SLC9A2: variants seen among roughly 807,000 people sequenced by gnomAD.
SLC9A2 encodes solute carrier family 9 member A2, also known as sodium/hydrogen exchanger 2.
A neutral mutation model predicts 71.7 loss-of-function variants in SLC9A2; 42 were observed. The ratio of observed to expected loss-of-function variants is 0.59; its 90% confidence interval spans 0.46 to 0.76. SLC9A2 has a LOEUF of 0.76. SLC9A2 is among the 30% of genes least tolerant of loss of function. The pLI, the probability that SLC9A2 is intolerant of heterozygous loss-of-function variation, is 0.00. For synonymous variants in SLC9A2, 396 were observed against 392.5 expected (o/e 1.01, Z -0.10); for missense variants, 829 against 1,017.4 (o/e 0.81, Z 2.52).
intron 7 of SLC9A2, among the ~76,000 whole-genome samples, chr2:102,700,583 G>C (rs949990255): frequency 1.3e-5 from 2 of 152,210 alleles, no homozygotes; most frequent in Non-Finnish European, 2.9e-5. Context: ...ACTTTGATAA[G>C]AGTAGCTTTA....
At chr2:102,682,711 G>T (rs959049551) in intron 3 of SLC9A2, among the ~76,000 whole-genome samples, 1 of 152,180 alleles carries the variant, frequency 6.6e-6, no homozygotes, top group Non-Finnish European at 1.5e-5. Context: ...ATAAAAAGAA[G>T]TGAGTGGGTC....
chr2:102,640,918 G>A (rs1212458797), intron 1 of SLC9A2, among the ~76,000 whole-genome samples: 11 of 152,204 alleles, frequency 7.2e-5, no homozygotes, highest in Admixed American at 7.2e-4. Flanking sequence ...TGAAAGTCTT[G>A]TAAGCTCTTA....
chr2:102,695,198 T>C, intron 7 of SLC9A2, 85 bp downstream of exon 7: 1 of 958,656 alleles, frequency 1.0e-6, no homozygotes, highest in Non-Finnish European at 1.7e-6. Flanking sequence ...TATTTTTTAA[T>C]TGGAAATCTT....
intron 3 of SLC9A2, among the ~76,000 whole-genome samples, chr2:102,668,842 G>A (rs553396216): frequency 5.9e-5 from 9 of 152,050 alleles, no homozygotes; most frequent in Admixed American, 5.2e-4. Context: ...TGTCTTCTTC[G>A]TGTTGCCTTT....
intron 3 of SLC9A2, among the ~76,000 whole-genome samples, chr2:102,670,907 T>C (rs896321828): frequency 6.6e-6 from 1 of 150,740 alleles, no homozygotes; most frequent in East Asian, 1.9e-4. Context: ...CCACACTTTG[T>C]AGCGTTTAGG....
chr2:102,665,718 G>A lies in SLC9A2; in HGVS notation c.1004+368G>A, dbSNP rs988600697. Among the ~76,000 whole-genome samples, 4 of 134,658 alleles carry A rather than the reference G, an allele frequency of 3.0e-5. No homozygotes were observed. The Admixed American group carries it at 3.4e-4, about 11-fold the overall frequency. The allele number at this position is 134,658 out of a possible 152,430, so 88.3% of individuals were successfully genotyped here. ...GAACCCGGGAGGCGGAGCTTGCGGT[G>A]AGCCGAGATTGTGCCACTGCACTCC... On this transcript the variant is annotated intron_variant, in intron 3 of 11. Transcript: ENST00000233969.
chr2:102,688,401 C>T (rs1421435706), intron 5 of SLC9A2, among the ~76,000 whole-genome samples: 1 of 152,100 alleles, frequency 6.6e-6, no homozygotes, highest in Non-Finnish European at 1.5e-5. Context: ...GTTTTTGCCT[C>T]ACGAGTTGCC....
At chr2:102,691,706 C>G (rs1239945872) in intron 5 of SLC9A2, among the ~76,000 whole-genome samples, 1 of 152,208 alleles carries the variant, frequency 6.6e-6, no homozygotes, top group Admixed American at 6.5e-5. Flanking sequence ...TGATTATAAA[C>G]ATAAATATAT....
intron 1 of SLC9A2, among the ~76,000 whole-genome samples, chr2:102,642,432 TG>T (rs1279314012): frequency 1.2e-4 from 14 of 118,956 alleles, no homozygotes; most frequent in East Asian, 7.3e-4. Context: ...TATAATCGTG[TG>T]GTTTTTTTTT....
chr2:102,662,179 A>C (rs1292534205), intron 2 of SLC9A2, among the ~76,000 whole-genome samples: 1 of 152,194 alleles, frequency 6.6e-6, no homozygotes, highest in Non-Finnish European at 1.5e-5. Context: ...AGTGCCTGTG[A>C]CCCATCTTAA....
At chr2:102,643,226 G>A (rs543710213) in intron 1 of SLC9A2, among the ~76,000 whole-genome samples, 2 of 152,240 alleles carry the variant, frequency 1.3e-5, no homozygotes, top group African/African-American at 2.4e-5. Flanking sequence ...GGAGGGGAGT[G>A]CTCATTATCA....
At position 102,708,485 on chromosome 2, in the gene SLC9A2, C is replaced by T; in HGVS notation, c.2435C>T (p.Pro812Leu). 1 of 1,613,148 alleles carries T rather than the reference C, an allele frequency of 6.2e-7. No homozygotes were observed. Among genetic ancestry groups the T allele is most frequent in the Non-Finnish European group, 8.5e-7 (1 of 1,179,518 alleles). Residue 812 changes from proline to leucine, a missense_variant, in exon 12 of 12, where the codon CCT (proline) becomes CTT (leucine). Physicochemically the swap from Pro to Leu is moderately conservative, Grantham distance 98. Transcript: ENST00000233969. ...SRKARFGSEK[P>L] ...AAAGCCCGATTTGGGAGTGAGAAGC[C>T]TTAAGAGAAGCAGCGAAAGCAGATC...
intron 1 of SLC9A2, among the ~76,000 whole-genome samples, chr2:102,646,783 A>ATATATATATATATG (rs1246304035): frequency 1.3e-5 from 2 of 148,330 alleles, no homozygotes; most frequent in African/African-American, 5.1e-5. Context: ...ATATATATAT[A>ATATATATATATATG]TATATATCTC....
At chr2:102,703,207 C>T (rs17833274) in intron 9 of SLC9A2, among the ~76,000 whole-genome samples, 5,007 of 152,282 alleles carry the variant, frequency 0.033, 113 homozygotes, top group Non-Finnish European at 0.05. Flanking sequence ...TTACCTGACC[C>T]TTTTTCCTAC....
intron 8 of SLC9A2, 39 bp downstream of exon 8, chr2:102,701,270 A>C: frequency 1.5e-6 from 2 of 1,356,884 alleles, no homozygotes; most frequent in Non-Finnish European, 2.0e-6. Flanking sequence ...GTATTGTTAA[A>C]TAGGCATTGA....
chr2:102,707,378 G>A (rs1443984473), intron 11 of SLC9A2, among the ~76,000 whole-genome samples: 1 of 149,616 alleles, frequency 6.7e-6, no homozygotes, highest in Non-Finnish European at 1.5e-5. Context: ...GTAAAGGAGT[G>A]TGAGGTGAGA....
chr2:102,643,653 A>G (rs949513522), intron 1 of SLC9A2, among the ~76,000 whole-genome samples: 2 of 152,218 alleles, frequency 1.3e-5, no homozygotes, highest in Admixed American at 6.5e-5. Flanking sequence ...TTTGCTTTAC[A>G]TATAGTATCC....
intron 1 of SLC9A2, among the ~76,000 whole-genome samples, chr2:102,642,045 AATAATAAT>A (rs1676593119): frequency 5.1e-5 from 3 of 59,158 alleles, no homozygotes; most frequent in African/African-American, 1.3e-4. Flanking sequence ...CTTAAAATAT[AATAATAAT>A]AATAATAATA....
intron 7 of SLC9A2, among the ~76,000 whole-genome samples, chr2:102,696,037 G>A (rs193053337): frequency 1.1e-4 from 17 of 151,754 alleles, no homozygotes; most frequent in Non-Finnish European, 2.2e-4. Context: ...AGCATTATGG[G>A]TCAAGAAATT....
Sources: allele counts gnomAD v4.1 joint callset (sites outside exome capture counted in the v4.1 genomes callset), GRCh38; gene constraint gnomAD v4.1.1; transcripts MANE v1.5; gene names NCBI Gene and HGNC (gene_info 2026-07-23, HGNC 2026-07-21).